NAV3: variants seen among roughly 807,000 people sequenced by gnomAD.
NAV3 encodes pore membrane and/or filament interacting like protein 1.
Under a neutral mutation model 244.7 loss-of-function variants are expected in NAV3, and 87 were observed. The ratio of observed to expected loss-of-function variants is 0.36; its 90% CI spans 0.30 to 0.42. NAV3 has a LOEUF of 0.42. NAV3 is among the 20% of genes least tolerant of loss of function. The probability of loss-of-function intolerance (pLI) is 1.00; values close to 1 mark genes in which losing one functional copy is unlikely to be tolerated. For synonymous variants in NAV3, 1,126 were observed against 1,042.2 expected (o/e 1.08, Z -1.55); for missense variants, 2,663 against 2,893.3 (o/e 0.92, Z 1.83).
Position 78,127,214 on chromosome 12 carries a change from T to G in NAV3, c.4280+6T>G. The G allele has an allele frequency of 1.2e-6, 2 of 1,613,030 alleles. No individual in the cohort carries two copies. The highest frequency in any genetic ancestry group is 2.7e-5 in the African/African-American group (2 of 75,018). The stretch of plus-strand genomic sequence containing the variant: ...CTACCCAAAAAGGGACTAAGGTATA[T>G]ATTCCTCTCAGCACAATTGCTACCT... On this transcript the variant is annotated splice_donor_region_variant and intron_variant, in intron 17 of 39. Transcript: ENST00000397909.
rs371722421 is a variant in NAV3, at chr12:77,940,432, T to A, written c.357T>A (p.Ile119=). 1 of 1,608,630 alleles carries A rather than the reference T, an allele frequency of 6.2e-7. No individual in the cohort carries two copies. The highest frequency in any genetic ancestry group is 8.5e-7 in the Non-Finnish European group (1 of 1,175,454). The change falls in exon 2 of 40, where the codon ATT becomes ATA. Residue 119 remains isoleucine (I), a synonymous_variant. Coordinates refer to ENST00000397909, the MANE Select transcript of NAV3 (RefSeq NM_001024383.2). ...TACTCCTAGCAGAAATCATCCAGAT[T>A]ATTGGTAAGCCCTTCCTTCTGAAAG... The part of the protein sequence containing the change: ...DGVLLAEIIQ[I]IANEKVEDIN...
chr12:77,857,145 T>A (rs1323009993), intron 1 of NAV3, among the ~76,000 whole-genome samples: 1 of 152,118 alleles, frequency 6.6e-6, no homozygotes, highest in East Asian at 1.9e-4. Flanking sequence ...CTGTTTTACA[T>A]GCAAATTCTA....
intron 2 of NAV3, among the ~76,000 whole-genome samples, chr12:77,672,656 T>A (rs939137511): frequency 6.6e-6 from 1 of 151,874 alleles, no homozygotes; most frequent in African/African-American, 2.4e-5. Flanking sequence ...ATAAGAATGA[T>A]ACATTGGACT....
chr12:78,207,365 T>C (rs548736870), intron 39 of NAV3, among the ~76,000 whole-genome samples: 1 of 152,288 alleles, frequency 6.6e-6, no homozygotes, highest in African/African-American at 2.4e-5. Flanking sequence ...AAGAGAATGT[T>C]AATAAGTATG....
intron 9 of NAV3, among the ~76,000 whole-genome samples, chr12:78,027,984 A>G (rs1408124862): frequency 6.6e-6 from 1 of 151,910 alleles, no homozygotes; most frequent in Non-Finnish European, 1.5e-5. Flanking sequence ...TTTTTTTTAT[A>G]GCACAGAAAG....
intron 2 of NAV3, among the ~76,000 whole-genome samples, chr12:77,811,404 G>A (rs1354100500): frequency 6.6e-6 from 1 of 152,160 alleles, no homozygotes; most frequent in Non-Finnish European, 1.5e-5. Flanking sequence ...ATTAAGGGAA[G>A]CCTTTCTTCA....
At chr12:77,679,343 A>G (rs578194669) in intron 2 of NAV3, among the ~76,000 whole-genome samples, 5 of 152,284 alleles carry the variant, frequency 3.3e-5, no homozygotes, top group African/African-American at 1.2e-4. Context: ...GACTGGATGG[A>G]GGGAGATGGA....
rs1447189451 is a variant in NAV3 at position 78,021,733 on chromosome 12, A to G, written c.1908-14A>G. The G allele has an allele frequency of 2.5e-6, 4 of 1,575,140 alleles. No individual in the cohort carries two copies. Among genetic ancestry groups the G allele is most frequent in the South Asian group, 1.1e-5 (1 of 89,844 alleles). On this transcript the variant is annotated splice_polypyrimidine_tract_variant and intron_variant, in intron 8 of 39. Coordinates refer to ENST00000397909, the MANE Select transcript of NAV3 (RefSeq NM_001024383.2). ...ATAACTGCTATTTCTTTCTATTTTCATGGTTAATTTCAGGGCACATTCAGA... is the reference window on the plus strand; with the variant it reads ...ATAACTGCTATTTCTTTCTATTTTCGTGGTTAATTTCAGGGCACATTCAGA...
At chr12:78,104,789 C>A (rs146515781) in intron 12 of NAV3, among the ~76,000 whole-genome samples, 13 of 152,262 alleles carry the variant, frequency 8.5e-5, no homozygotes, top group Admixed American at 2.0e-4. Context: ...TGTTCTAAAT[C>A]TCTATAGCAT....
chr12:77,794,184 T>G (rs1198085667), intron 2 of NAV3, among the ~76,000 whole-genome samples: 1 of 152,240 alleles, frequency 6.6e-6, no homozygotes, highest in Non-Finnish European at 1.5e-5. Flanking sequence ...GTTTCTTGTC[T>G]TGTAAATTTT....
chr12:77,873,043 A>G (rs906147230), intron 1 of NAV3, among the ~76,000 whole-genome samples: 1 of 152,106 alleles, frequency 6.6e-6, no homozygotes, highest in African/African-American at 2.4e-5. Flanking sequence ...AGTAAGTCTC[A>G]CGAGATCTGA....
chr12:77,897,666 G>GCCAAT (rs1884781850), intron 1 of NAV3, among the ~76,000 whole-genome samples: 1 of 150,810 alleles, frequency 6.6e-6, no homozygotes, highest in East Asian at 1.9e-4. Flanking sequence ...GTCTCTATTG[G>GCCAAT]CCAATCCTGG....
At chr12:77,983,153 A>C (rs1035972120) in intron 5 of NAV3, among the ~76,000 whole-genome samples, 7 of 152,190 alleles carry the variant, frequency 4.6e-5, no homozygotes, top group African/African-American at 1.7e-4. Context: ...ATGTAAAGTA[A>C]AATTGCTTTG....
Position 78,118,115 on chromosome 12 carries a change from G to T in NAV3, c.2858G>T (p.Ser953Ile), listed in dbSNP as rs572731398. The T allele has an allele frequency of 1.2e-6, 2 of 1,614,104 alleles. No individual in the cohort carries two copies. Among genetic ancestry groups the T allele is most frequent in the Admixed American group, 3.3e-5 (2 of 60,022 alleles). The change falls in exon 14 of 40, where the codon AGC becomes ATC. Residue 953 changes from serine to isoleucine, a missense_variant. This residue lies in a region of NAV3 where 1,521 missense variants were observed against 1,497.0 expected (regional missense o/e 1.02). Coordinates refer to ENST00000397909, the MANE Select transcript of NAV3 (RefSeq NM_001024383.2). Reference protein sequence around the residue: ...ELKKPEEDFDSHGDAGGKWKT... With the variant: ...ELKKPEEDFDIHGDAGGKWKT... The stretch of plus-strand genomic sequence containing the variant: ...AAAAAACCAGAAGAAGATTTTGACA[G>T]CCATGGGGATGCTGGTGGCAAGTGG...
At chr12:77,995,700 G>A (rs1249972896) in intron 6 of NAV3, among the ~76,000 whole-genome samples, 1 of 151,980 alleles carries the variant, frequency 6.6e-6, no homozygotes, top group East Asian at 1.9e-4. Flanking sequence ...CCCTTGCCTT[G>A]GCTTTCTAAG....
intron 1 of NAV3, among the ~76,000 whole-genome samples, chr12:77,931,638 A>G (rs947929702): frequency 2.0e-5 from 3 of 151,988 alleles, no homozygotes; most frequent in African/African-American, 7.3e-5. Flanking sequence ...AGGCCCAGGC[A>G]GGCGGATCAC....
intron 9 of NAV3, among the ~76,000 whole-genome samples, chr12:78,032,455 C>G (rs1202498052): frequency 6.6e-6 from 1 of 152,132 alleles, no homozygotes; most frequent in Non-Finnish European, 1.5e-5. Context: ...GGATAAATGA[C>G]TTTTTCAATT....
At chr12:77,631,884 A>G (rs1396299596) in intron 2 of NAV3, among the ~76,000 whole-genome samples, 1 of 152,154 alleles carries the variant, frequency 6.6e-6, no homozygotes, top group Non-Finnish European at 1.5e-5. Context: ...TAAACCACCA[A>G]AATGTACTGT....
intron 3 of NAV3, among the ~76,000 whole-genome samples, chr12:77,943,649 C>T (rs768006921): frequency 5.3e-5 from 8 of 152,154 alleles, no homozygotes; most frequent in Non-Finnish European, 1.0e-4. Flanking sequence ...GTATCTACTC[C>T]AAACAGGATG....
Sources: gnomAD v4.1 joint callset for allele counts (sites outside exome capture counted in the v4.1 genomes callset) on GRCh38, gnomAD v4.1.1 for gene constraint, gnomAD v4.1.1 regional missense constraint, MANE v1.5 for transcripts, NCBI Gene and HGNC (gene_info 2026-07-23, HGNC 2026-07-21) for gene names.